The following WRN variants were observed in gnomAD, a reference collection of about 807,000 sequenced individuals.
WRN encodes the protein bifunctional 3'-5' exonuclease/ATP-dependent helicase WRN.
A neutral mutation model predicts 180.7 loss-of-function variants in WRN; 149 were observed. The ratio of observed to expected loss-of-function variants is 0.82; its 90% confidence interval spans 0.72 to 0.94. The LOEUF is 0.94. Ranked by LOEUF, WRN falls within the 40% of genes least tolerant of loss-of-function variation. WRN has a pLI of 0.00. For synonymous variants in WRN, 548 were observed against 568.9 expected (o/e 0.96, Z 0.52); for missense variants, 1,661 against 1,700.1 (o/e 0.98, Z 0.40).
At position 31,143,051 on chromosome 8, in the gene WRN, A is replaced by T. The variant is rs1213025036; in HGVS notation, c.3309+350A>T. 5.2e-3 allele frequency among the ~76,000 whole-genome samples: 384 copies of T among 74,458 alleles called. 2 individuals carry two copies. Among genetic ancestry groups the T allele is most frequent in the Admixed American group, 0.031 (177 of 5,760 alleles). 48.8% of individuals were successfully genotyped at this position (74,458 alleles called of 152,430 possible). ...CACACACACACACACACACACACAC[A>T]CACATTCTCTCTCTCTCTCTCTCAC... On this transcript the variant is annotated intron_variant, in intron 27 of 34. Transcript: ENST00000298139.
intron 34 of WRN, among the ~76,000 whole-genome samples, chr8:31,169,370 G>T (rs959137206): frequency 9.2e-5 from 14 of 151,452 alleles, no homozygotes; most frequent in African/African-American, 3.1e-4. Context: ...TTTACCAAAG[G>T]AGCAACACTA....
At chr8:31,118,227 T>G (rs1489064642) in intron 20 of WRN, among the ~76,000 whole-genome samples, 2 of 152,126 alleles carry the variant, frequency 1.3e-5, no homozygotes, top group Non-Finnish European at 2.9e-5. Context: ...ACACCTAATT[T>G]CTGGAAGAGT....
chr8:31,148,900 T>C (rs1217797622), intron 30 of WRN, among the ~76,000 whole-genome samples: 1 of 152,210 alleles, frequency 6.6e-6, no homozygotes, highest in Non-Finnish European at 1.5e-5. Flanking sequence ...CCTAGCACAA[T>C]GCCTCATAAA....
At chr8:31,140,003 G>GTTTTTTTTTTTTTTTTTTTTTTTTTTTTT (rs71539917) in intron 24 of WRN, among the ~76,000 whole-genome samples, 2 of 62,086 alleles carry the variant, frequency 3.2e-5, no homozygotes, top group Non-Finnish European at 5.8e-5. Context: ...ATACTTCTTT[G>GTTTTTTTTTTTTTTTTTTTTTTTTTTTTT]TTTTTTTTTT....
At position 31,150,327 on chromosome 8, in the gene WRN, G is replaced by A; in HGVS notation, c.3573-14G>A. ...TGACCTTTTTGTTGTTGTTGTTGTT[G>A]TTGTTAAACACAGACCAACTACGGT... On this transcript the variant is annotated splice_polypyrimidine_tract_variant and intron_variant, in intron 30 of 34. Transcript: ENST00000298139. 1.2e-6 allele frequency: 2 copies of A among 1,601,764 alleles called. No homozygotes were observed. Among genetic ancestry groups the A allele is most frequent in the Non-Finnish European group, 1.7e-6 (2 of 1,168,846 alleles).
intron 9 of WRN, 148 bp from the exon 10 acceptor site, chr8:31,083,551 A>C: frequency 2.4e-6 from 1 of 414,648 alleles, no homozygotes; most frequent in Non-Finnish European, 4.4e-6. Context: ...TTTTTTATCT[A>C]TCATATAAAT....
At chr8:31,101,637 A>G (rs990412868) in intron 18 of WRN, among the ~76,000 whole-genome samples, 1 of 151,750 alleles carries the variant, frequency 6.6e-6, no homozygotes, top group South Asian at 2.1e-4. Flanking sequence ...AAATACAACA[A>G]TTAGCTGGGC....
chr8:31,111,643 CAA>C lies in WRN; in HGVS notation c.2118_2119del (p.Ser707PhefsTer24), dbSNP rs762855622. 3.7e-6 allele frequency: 6 copies of C among 1,614,036 alleles called. No individual in the cohort carries two copies. In the South Asian group the frequency reaches 6.6e-5, roughly 18 times the overall value. ...CCAATCGTTGCACTTACTGCTACTG[CAA>C]GTTCTTCAATCCGGGAAGACATTGT... On this transcript the variant is annotated frameshift_variant, in exon 19 of 35. Transcript: ENST00000298139. LOFTEE classifies it high-confidence loss of function.
intron 3 of WRN, among the ~76,000 whole-genome samples, chr8:31,062,855 A>G (rs11574189): frequency 0.019 from 2,833 of 152,122 alleles, 70 homozygotes; most frequent in African/African-American, 0.065. Context: ...TAATAAAAAC[A>G]GGGTCTTGCT....
Position 31,062,942 on chromosome 8 carries a change from C to T in WRN, c.210-1347C>T, listed in dbSNP as rs141638418. On this transcript the variant is annotated intron_variant, in intron 3 of 34. Transcript: ENST00000298139. ...ACCTTATGGGCTCGAGTGATCCTTTCGCCTCAGCCTCTCAAGTAGCTACAA... is the reference window on the plus strand; with the variant it reads ...ACCTTATGGGCTCGAGTGATCCTTTTGCCTCAGCCTCTCAAGTAGCTACAA... Among the ~76,000 whole-genome samples, 1,001 of 151,932 alleles carry T rather than the reference C, an allele frequency of 6.6e-3. 17 individuals carry two copies. Among genetic ancestry groups the T allele is most frequent in the African/African-American group, 0.022 (928 of 41,430 alleles).
intron 33 of WRN, among the ~76,000 whole-genome samples, chr8:31,160,308 C>T (rs1175500668): frequency 9.9e-5 from 15 of 152,148 alleles, no homozygotes; most frequent in Admixed American, 8.5e-4. Context: ...GTTAGCATTT[C>T]GTGAACCTGG....
At chr8:31,073,031 C>T (rs1812968789) in intron 7 of WRN, among the ~76,000 whole-genome samples, 1 of 152,040 alleles carries the variant, frequency 6.6e-6, no homozygotes, top group East Asian at 1.9e-4. Context: ...CGTAGGGCCT[C>T]GTAGGCTGTG....
At chr8:31,140,020 T>G (rs1031780640) in intron 24 of WRN, among the ~76,000 whole-genome samples, 1 of 126,192 alleles carries the variant, frequency 7.9e-6, no homozygotes, top group Non-Finnish European at 1.7e-5. Flanking sequence ...TTTTTTTTTT[T>G]TTTTTTTTTT....
At position 31,080,780 on chromosome 8, in the gene WRN, A is replaced by G. The variant is rs922565192; in HGVS notation, c.840-87A>G. 7.1e-6 allele frequency: 8 copies of G among 1,129,356 alleles called. No homozygotes were observed. In the East Asian group the frequency reaches 1.8e-4, roughly 25 times the overall value. 70.0% of individuals were successfully genotyped at this position (1,129,356 alleles called of 1,614,324 possible). A position where few individuals can be genotyped will look rare whatever the true frequency, so the allele number is the denominator to read the frequency against. On this transcript the variant is annotated intron_variant, in intron 8 of 34. Transcript: ENST00000298139. ...CTTTTAAGTGAAGGTCAGCTTAGAA[A>G]GCTTTTACTTGTTAAAAAGCTTCAC...
chr8:31,154,661 AG>A lies in WRN; in HGVS notation c.3726del (p.Lys1243ArgfsTer5), dbSNP rs2130469991. The A allele has an allele frequency of 1.2e-6, 2 of 1,613,608 alleles. No homozygotes were observed. The highest frequency in any genetic ancestry group is 1.7e-6 in the Non-Finnish European group (2 of 1,179,702). ...LFSSTKPQEEQKTSLVAKNKI... is the reference protein window; with the variant it reads ...LFSSTKPQEEXKTSLVAKNKI... Reference sequence around the variant, plus strand: ...TCAAGTACAAAACCTCAAGAAGAACAGAAGACGAGTCTGGTAGCAAAAAATA... The same window carrying A: ...TCAAGTACAAAACCTCAAGAAGAACAAAGACGAGTCTGGTAGCAAAAAATA... On this transcript the variant is annotated frameshift_variant, in exon 32 of 35. Transcript: ENST00000298139. LOFTEE classifies it high-confidence loss of function.
intron 1 of WRN, among the ~76,000 whole-genome samples, chr8:31,054,014 A>G (rs1192877487): frequency 1.3e-5 from 2 of 152,214 alleles, no homozygotes; most frequent in Non-Finnish European, 2.9e-5. Flanking sequence ...GAAGAGATTA[A>G]GTTGTTGGAA....
At chr8:31,081,485 A>G (rs1017689143) in intron 9 of WRN, among the ~76,000 whole-genome samples, 189 bp downstream of exon 9, 13 of 152,256 alleles carry the variant, frequency 8.5e-5, no homozygotes, top group Admixed American at 3.3e-4. Context: ...CTGTCTTTCA[A>G]TAAAACTTTA....
intron 1 of WRN, among the ~76,000 whole-genome samples, chr8:31,046,496 A>AAGGAGAAAAATGACCTT (rs1480672190): frequency 5.9e-5 from 9 of 152,320 alleles, no homozygotes; most frequent in African/African-American, 1.9e-4. Context: ...TCTCCAAAAA[A>AAGGAGAAAAATGACCTT]AGGAGAAAAA....
intron 13 of WRN, 49 bp from the exon 14 acceptor site, chr8:31,090,416 G>C: frequency 2.6e-6 from 4 of 1,530,814 alleles, no homozygotes; most frequent in Non-Finnish European, 3.6e-6. Flanking sequence ...TTTGTACCTT[G>C]GGTTTCTTAT....
Sources: gnomAD v4.1 joint callset for allele counts (sites outside exome capture counted in the v4.1 genomes callset) on GRCh38, gnomAD v4.1.1 for gene constraint, MANE v1.5 for transcripts, NCBI Gene and HGNC (gene_info 2026-07-23, HGNC 2026-07-21) for gene names.